ALG14: variants seen among roughly 807,000 people sequenced by gnomAD.
ALG14 encodes the protein ALG14 UDP-N-acetylglucosaminyltransferase subunit.
Under a neutral mutation model 22.8 loss-of-function variants are expected in ALG14, and 17 were observed. The observed-to-expected ratio is 0.75, with a 90% CI of 0.51 to 1.12. ALG14 has a LOEUF of 1.12. ALG14 is among the 50% of genes most tolerant of loss of function. The pLI is 0.00. For synonymous variants in ALG14, 89 were observed against 103.7 expected, an observed-to-expected ratio of 0.86 and a Z score of 0.86; for missense variants, 288 against 271.8, an observed-to-expected ratio of 1.06 and a Z score of -0.42.
chr1:95,048,042 A>G (rs975611567), intron 2 of ALG14, among the ~76,000 whole-genome samples: 6 of 152,228 alleles, frequency 3.9e-5, no homozygotes, highest in African/African-American at 1.4e-4. Context: ...CAACAGAAAA[A>G]TAACCACTCA....
intron 3 of ALG14, among the ~76,000 whole-genome samples, chr1:94,999,284 TAAA>T (rs34508503): frequency 1.8e-5 from 2 of 112,476 alleles, no homozygotes; most frequent in Non-Finnish European, 3.8e-5. Context: ...TCCACAAAGT[TAAA>T]AAAAAAAAAA....
chr1:94,977,558 CTT>C lies in ALG14; in HGVS notation c.*5516_*5517del, dbSNP rs1672420816. The C allele has an allele frequency of 6.6e-6, 1 of 152,132 alleles. No individual in the cohort carries two copies. The highest frequency in any genetic ancestry group is 1.5e-5 in the Non-Finnish European group (1 of 68,030). The allele number at this position is 152,132 out of a possible 1,614,324, so 9.4% of individuals were successfully genotyped here. A position where few individuals can be genotyped will look rare whatever the true frequency, so the allele number is the denominator to read the frequency against. On this transcript the variant is annotated 3_prime_UTR_variant, in exon 4 of 4. Transcript: ENST00000370205. The stretch of plus-strand genomic sequence containing the variant: ...GTTCTGACAGCCAGTGGAATATGTC[CTT>C]TTATATTCTTGCGTTTAAAATTTTT...
intron 3 of ALG14, among the ~76,000 whole-genome samples, chr1:95,000,614 G>T (rs1673039150): frequency 6.7e-6 from 1 of 149,042 alleles, no homozygotes; most frequent in Non-Finnish European, 1.5e-5. Flanking sequence ...GGTACAACCA[G>T]TTGTGCACTT....
In ALG14 at chr1:95,072,787, T is replaced by G. The variant is rs1380246004; in HGVS notation, c.112A>C (p.Ser38Arg). The G allele has an allele frequency of 6.2e-7, 1 of 1,613,992 alleles. No individual in the cohort carries two copies. The highest frequency in any genetic ancestry group is 1.7e-5 in the Admixed American group (1 of 59,996). ...SMDVTPRESL[S>R]ILVVAGSGGH... ...CCGGACCCAGCCACTACCAAGATAC[T>G]GAGAGACTCCCGGGGCGTAACGTCC... Residue 38 changes from serine (S) to arginine (R), a missense_variant, in exon 1 of 4, where the codon AGT (serine) becomes CGT (arginine). By Grantham distance (110) the Ser-to-Arg change is moderately radical (BLOSUM62 -1). Transcript: ENST00000370205.
rs541817273 is a variant in ALG14, at chr1:94,990,230, G to A, written c.421-6924C>T. ...GTTACAGTCAGGGGACAGGAAGGCCGGGCTGAAGCCTGGGAAAGGCAGTTG... is the reference window on the plus strand; with the variant it reads ...GTTACAGTCAGGGGACAGGAAGGCCAGGCTGAAGCCTGGGAAAGGCAGTTG... On this transcript the variant is annotated intron_variant, in intron 3 of 3. Transcript: ENST00000370205. 1.1e-3 allele frequency among the ~76,000 whole-genome samples: 170 copies of A among 152,316 alleles called. 1 individual carries two copies. The South Asian group carries it at 0.013, about 12-fold the overall frequency.
chr1:94,983,503 TGG>T (rs1245917835), intron 3 of ALG14, 197 bp from the exon 4 acceptor site: 1 of 572,796 alleles, frequency 1.7e-6, no homozygotes, highest in East Asian at 3.0e-5. Flanking sequence ...TGTGTTGTCT[TGG>T]CTCTCTTGCT....
At chr1:95,048,577 T>C (rs570059020) in intron 2 of ALG14, among the ~76,000 whole-genome samples, 9 of 152,282 alleles carry the variant, frequency 5.9e-5, no homozygotes, top group Admixed American at 1.3e-4. Context: ...ACATGGCCTA[T>C]TGCTCTCCAG....
At position 94,982,121 on chromosome 1, in the gene ALG14, T is replaced by G. The variant is rs1400355619; in HGVS notation, c.*955A>C. The G allele has an allele frequency of 1.2e-5, 1 of 82,120 alleles. No homozygotes were observed. Among genetic ancestry groups the G allele is most frequent in the African/African-American group, 5.3e-5 (1 of 18,844 alleles). The allele number at this position is 82,120 out of a possible 1,614,324, so 5.1% of individuals were successfully genotyped here. On this transcript the variant is annotated 3_prime_UTR_variant, in exon 4 of 4. Transcript: ENST00000370205. ...ACAGTCCCTACATCATTGAGTTTTG[T>G]TTTTTTTTTTTTTTTTTGAGACGAA...
intron 2 of ALG14, among the ~76,000 whole-genome samples, chr1:95,037,915 C>T (rs927547957): frequency 1.3e-5 from 2 of 152,164 alleles, no homozygotes; most frequent in Non-Finnish European, 2.9e-5. Flanking sequence ...GCTAGGGAAA[C>T]AGAGGTGAAT....
At chr1:95,070,415 A>G (rs1207153779) in intron 1 of ALG14, among the ~76,000 whole-genome samples, 5 of 152,240 alleles carry the variant, frequency 3.3e-5, no homozygotes, top group African/African-American at 1.2e-4. Context: ...TTCAGAGGGC[A>G]AAAGGGAAGT....
At chr1:94,993,264 T>C (rs1006829150) in intron 3 of ALG14, among the ~76,000 whole-genome samples, 3 of 146,432 alleles carry the variant, frequency 2.0e-5, no homozygotes, top group East Asian at 3.9e-4. Context: ...TATATAAATA[T>C]ATATATTATA....
chr1:95,046,940 C>T (rs528849340), intron 2 of ALG14, among the ~76,000 whole-genome samples: 1 of 152,046 alleles, frequency 6.6e-6, no homozygotes, highest in African/African-American at 2.4e-5. Context: ...GCACTCCAGC[C>T]TGGGCGACAG....
At chr1:94,989,502 C>T (rs891584768) in intron 3 of ALG14, among the ~76,000 whole-genome samples, 13 of 152,142 alleles carry the variant, frequency 8.5e-5, no homozygotes, top group African/African-American at 3.1e-4. Context: ...GTGACTTGCC[C>T]AGCTATTTCT....
At chr1:95,006,967 T>C (rs563697174) in intron 3 of ALG14, among the ~76,000 whole-genome samples, 2 of 152,376 alleles carry the variant, frequency 1.3e-5, no homozygotes, top group African/African-American at 4.8e-5. Flanking sequence ...AAAAGTGTGA[T>C]GCCTAGAACC....
In ALG14 at chr1:94,981,665, T is replaced by C; in HGVS notation, c.*1411A>G. 1 of 148,938 alleles carries C rather than the reference T, an allele frequency of 6.7e-6. No homozygotes were observed. Among genetic ancestry groups the C allele is most frequent in the South Asian group, 2.1e-4 (1 of 4,714 alleles). The allele number at this position is 148,938 out of a possible 1,614,324, so 9.2% of individuals were successfully genotyped here. A position where few individuals can be genotyped will look rare whatever the true frequency, so the allele number is the denominator to read the frequency against. ...CTACAGGAGAGAATCTTCTCTTTTC[T>C]GTTTTTTATTTTGTTTTGTTTTTTT... On this transcript the variant is annotated 3_prime_UTR_variant, in exon 4 of 4. Coordinates refer to ENST00000370205, the MANE Select transcript of ALG14 (RefSeq NM_144988.4).
At position 94,983,024 on chromosome 1, in the gene ALG14, G is replaced by C. The variant is rs1279173114; in HGVS notation, c.*52C>G. On this transcript the variant is annotated 3_prime_UTR_variant, in exon 4 of 4. Transcript: ENST00000370205. ...TGTAGGGTTTTTTTCCCCCCAATTTGAGTACATACTACTGTTAACTGCAAA... is the reference window on the plus strand; with the variant it reads ...TGTAGGGTTTTTTTCCCCCCAATTTCAGTACATACTACTGTTAACTGCAAA... The C allele has an allele frequency of 6.7e-7, 1 of 1,494,406 alleles. No homozygotes were observed. Among genetic ancestry groups the C allele is most frequent in the Non-Finnish European group, 9.3e-7 (1 of 1,075,520 alleles). The allele number at this position is 1,494,406 out of a possible 1,614,324, so 92.6% of individuals were successfully genotyped here. A position where few individuals can be genotyped will look rare whatever the true frequency, so the allele number is the denominator to read the frequency against.
chr1:95,065,244 C>G (rs559260492), intron 1 of ALG14, among the ~76,000 whole-genome samples: 1 of 152,198 alleles, frequency 6.6e-6, no homozygotes, highest in Non-Finnish European at 1.5e-5. Flanking sequence ...AAAATCAGCA[C>G]TAGCAGTAGG....
intron 2 of ALG14, chr1:95,035,765 G>C (rs1674166208): frequency 6.6e-6 from 1 of 152,164 alleles, no homozygotes; most frequent in Admixed American, 6.5e-5. Flanking sequence ...AATCCAGATG[G>C]CATCATAAAC....
chr1:95,018,351 C>G (rs912391175), intron 3 of ALG14, among the ~76,000 whole-genome samples: 2 of 151,940 alleles, frequency 1.3e-5, no homozygotes, highest in Non-Finnish European at 2.9e-5. Flanking sequence ...GCCTGGCCAA[C>G]ATGGTGAAAC....
Sources: gnomAD v4.1 joint callset for allele counts (sites outside exome capture counted in the v4.1 genomes callset) on GRCh38, gnomAD v4.1.1 for gene constraint, MANE v1.5 for transcripts, NCBI Gene and HGNC (gene_info 2026-07-23, HGNC 2026-07-21) for gene names.